The following SMCHD1 variants were observed in gnomAD, a reference collection of about 807,000 sequenced individuals.
The protein encoded by SMCHD1 is structural maintenance of chromosomes flexible hinge domain-containing protein 1.
SMCHD1 carries 78 observed loss-of-function variants against 254.7 expected under a neutral mutation model. The observed-to-expected ratio is 0.31, with a 90% CI of 0.26 to 0.37. SMCHD1 has a LOEUF of 0.37. Ranked by LOEUF, SMCHD1 falls within the 10% of genes least tolerant of loss-of-function variation. The pLI is 1.00. For synonymous variants in SMCHD1, 766 were observed against 794.9 expected (o/e 0.96, Z 0.61); for missense variants, 1,840 against 2,408.1 (o/e 0.76, Z 4.94).
chr18:2,731,757 A>G (rs2075144323), intron 24 of SMCHD1, among the ~76,000 whole-genome samples: 2 of 152,346 alleles, frequency 1.3e-5, no homozygotes, highest in South Asian at 4.1e-4. Flanking sequence ...GATGCCTGTA[A>G]TCCCAGCACT....
chr18:2,762,945 A>G (rs1418682399), intron 36 of SMCHD1, among the ~76,000 whole-genome samples: 2 of 152,210 alleles, frequency 1.3e-5, no homozygotes, highest in African/African-American at 2.4e-5. Context: ...GCTCATAGTT[A>G]AGAAAGAAAA....
chr18:2,770,748 G>C (rs1435691734), intron 39 of SMCHD1, among the ~76,000 whole-genome samples: 2 of 152,088 alleles, frequency 1.3e-5, no homozygotes, highest in Non-Finnish European at 2.9e-5. Context: ...AGCCTCCCAA[G>C]TAGCTAGGAT....
intron 5 of SMCHD1, among the ~76,000 whole-genome samples, chr18:2,676,023 C>T (rs967602913): frequency 7.2e-5 from 11 of 152,144 alleles, no homozygotes; most frequent in Non-Finnish European, 1.6e-4. Context: ...TTCCTTGACC[C>T]ACTCTAATTT....
At chr18:2,762,264 G>T (rs761563742) in intron 36 of SMCHD1, 28 bp downstream of exon 36, 1 of 1,606,662 alleles carries the variant, frequency 6.2e-7, no homozygotes, top group Admixed American at 1.7e-5. Context: ...CCAAAACTGC[G>T]AAGGGTAACA....
intron 33 of SMCHD1, among the ~76,000 whole-genome samples, chr18:2,751,632 A>G (rs1185147446): frequency 6.6e-6 from 1 of 152,160 alleles, no homozygotes; most frequent in African/African-American, 2.4e-5. Flanking sequence ...ATGCCTACAC[A>G]TTAAAATTAT....
At chr18:2,737,272 G>GT (rs913066548) in intron 25 of SMCHD1, among the ~76,000 whole-genome samples, 3 of 152,126 alleles carry the variant, frequency 2.0e-5, no homozygotes, top group Non-Finnish European at 4.4e-5. Flanking sequence ...TACCTGTTGG[G>GT]TACTATGCTC....
intron 1 of SMCHD1, among the ~76,000 whole-genome samples, chr18:2,661,968 A>T (rs1490808388): frequency 4.2e-4 from 2 of 4,746 alleles, no homozygotes; most frequent in African/African-American, 2.3e-3. Flanking sequence ...CATCCTGGCT[A>T]ACAAGGTGAA....
At chr18:2,675,270 T>TC (rs1286978125) in intron 5 of SMCHD1, among the ~76,000 whole-genome samples, 2 of 149,852 alleles carry the variant, frequency 1.3e-5, no homozygotes, top group African/African-American at 5.0e-5. Context: ...GCCTTTTTTT[T>TC]TTTTTTTTTT....
At chr18:2,799,559 CT>C (rs2076322897) in intron 47 of SMCHD1, among the ~76,000 whole-genome samples, 1 of 152,176 alleles carries the variant, frequency 6.6e-6, no homozygotes, top group Non-Finnish European at 1.5e-5. Flanking sequence ...AAATATTGTA[CT>C]AAGCAAACTT....
intron 7 of SMCHD1, among the ~76,000 whole-genome samples, chr18:2,692,151 T>C (rs1485479926): frequency 1.3e-5 from 2 of 152,206 alleles, no homozygotes; most frequent in African/African-American, 2.4e-5. Flanking sequence ...GTGGTAGGAA[T>C]GGGTGATGAA....
Position 2,796,038 on chromosome 18 carries a change from G to C in SMCHD1, c.5809G>C (p.Asp1937His). 2 of 1,588,048 alleles carry C rather than the reference G, an allele frequency of 1.3e-6. No individual in the cohort carries two copies. The highest frequency in any genetic ancestry group is 1.7e-6 in the Non-Finnish European group (2 of 1,167,030). The change falls in exon 46 of 48, where the codon GAT becomes CAT. Residue 1937 changes from aspartate to histidine, a missense_variant. Asp to His is a moderately conservative substitution (Grantham distance 81). Coordinates refer to ENST00000320876, the MANE Select transcript of SMCHD1 (RefSeq NM_015295.3). ...NSQLEYLRTP[D>H]MRKKKQELDE... ...TCAATTAGAGTACCTTCGCACTCCG[G>C]ATATGAGGAAGAAAAAGCAAGAACT...
At chr18:2,762,800 A>G (rs567261960) in intron 36 of SMCHD1, among the ~76,000 whole-genome samples, 2 of 152,218 alleles carry the variant, frequency 1.3e-5, no homozygotes, top group South Asian at 2.1e-4. Context: ...TACCTTTTCT[A>G]ATACATACCT....
intron 32 of SMCHD1, 51 bp downstream of exon 32, chr18:2,750,558 CATT>C: frequency 6.9e-7 from 1 of 1,444,964 alleles, no homozygotes; most frequent in Non-Finnish European, 9.4e-7. Context: ...TTGCTTTGTA[CATT>C]AGTGGAATAA....
At chr18:2,719,756 A>C (rs1210409293) in intron 19 of SMCHD1, among the ~76,000 whole-genome samples, 1 of 148,560 alleles carries the variant, frequency 6.7e-6, no homozygotes, top group Non-Finnish European at 1.5e-5. Context: ...GCTCACTGCA[A>C]CCTCTGACTC....
Position 2,726,555 on chromosome 18 carries a change from A to G in SMCHD1, c.2773+31A>G, listed in dbSNP as rs1379853415. ...ATTATTTCAAGAAATATAATTATTT[A>G]AAATAATTTTCTTATGTTAAAGTAT... On this transcript the variant is annotated intron_variant, in intron 22 of 47. Transcript: ENST00000320876. 1.2e-5 allele frequency: 13 copies of G among 1,075,644 alleles called. No homozygotes were observed. In the East Asian group the frequency reaches 3.1e-4, roughly 26 times the overall value. The allele number at this position is 1,075,644 out of a possible 1,614,324, so 66.6% of individuals were successfully genotyped here. A position where few individuals can be genotyped will look rare whatever the true frequency, so the allele number is the denominator to read the frequency against.
chr18:2,796,916 T>A, intron 47 of SMCHD1: 1 of 155,376 alleles, frequency 6.4e-6, no homozygotes. Context: ...TATGAGTTCA[T>A]GTCTAATTCT....
In SMCHD1 at chr18:2,718,497, A is replaced by G; in HGVS notation, c.2458+63A>G. On this transcript the variant is annotated intron_variant, in intron 19 of 47. Transcript: ENST00000320876. This position sits in a 1 kb window ranked among gnomAD's most constrained non-coding sequence, Gnocchi z 4.6. Reference sequence around the variant, plus strand: ...GGTGGCATTTTAAATCCAAAGAGAAAAGAGAGATAAGCCATTAAAAGATGT... The same window carrying G: ...GGTGGCATTTTAAATCCAAAGAGAAGAGAGAGATAAGCCATTAAAAGATGT... The G allele has an allele frequency of 7.4e-7, 1 of 1,359,276 alleles. No homozygotes were observed. Among genetic ancestry groups the G allele is most frequent in the Non-Finnish European group, 1.0e-6 (1 of 990,200 alleles). The allele number at this position is 1,359,276 out of a possible 1,614,324, so 84.2% of individuals were successfully genotyped here.
intron 3 of SMCHD1, among the ~76,000 whole-genome samples, chr18:2,669,475 A>G (rs1379404459): frequency 6.6e-6 from 1 of 152,188 alleles, no homozygotes. Flanking sequence ...GTGGGATTAT[A>G]AGCACCTTGA....
At chr18:2,774,753 T>C (rs1157977342) in intron 41 of SMCHD1, among the ~76,000 whole-genome samples, 3 of 152,128 alleles carry the variant, frequency 2.0e-5, no homozygotes, top group Non-Finnish European at 4.4e-5. Context: ...ATTGCTAGAG[T>C]AGGTTTGTGC....
Sources: allele counts gnomAD v4.1 joint callset (sites outside exome capture counted in the v4.1 genomes callset), GRCh38; gene constraint gnomAD v4.1.1; non-coding constraint Gnocchi (gnomAD v3.1); transcripts MANE v1.5; gene names NCBI Gene and HGNC (gene_info 2026-07-23, HGNC 2026-07-21).